Variants in ADGRL2 observed in about 807,000 individuals in gnomAD.
ADGRL2 encodes the protein adhesion G protein-coupled receptor L2, also known as calcium-independent alpha-latrotoxin receptor 2.
In ADGRL2, 44 loss-of-function variants were observed where a neutral mutation model predicts 157.4. The observed-to-expected ratio is 0.28, with a 90% CI of 0.22 to 0.36. The LOEUF is 0.36. ADGRL2 is among the 10% of genes least tolerant of loss of function. The pLI, the probability that ADGRL2 is intolerant of heterozygous loss-of-function variation, is 1.00. For synonymous variants in ADGRL2, 585 were observed against 624.7 expected, an observed-to-expected ratio of 0.94 and a Z score of 0.95; for missense variants, 1,510 against 1,768.9, an observed-to-expected ratio of 0.85 and a Z score of 2.63.
At chr1:81,769,365 G>A (rs186593748) in intron 2 of ADGRL2, among the ~76,000 whole-genome samples, 5 of 152,064 alleles carry the variant, frequency 3.3e-5, no homozygotes, top group East Asian at 3.9e-4. Context: ...CCTATTTGAC[G>A]TTGGTTTTTG....
rs540354225 is a variant in ADGRL2 at position 81,851,147 on chromosome 1, T to G, written c.73+14090T>G. On this transcript the variant is annotated intron_variant, in intron 2 of 23. Coordinates refer to ENST00000686636, the MANE Select transcript of ADGRL2 (RefSeq NM_001366006.2). The stretch of plus-strand genomic sequence containing the variant: ...CCTTAGGATTAACAGCTAAGTATAC[T>G]TTAAGCATATTTTAATAATTATAGC... 9.9e-5 allele frequency among the ~76,000 whole-genome samples: 15 copies of G among 152,070 alleles called. No individual in the cohort carries two copies. The East Asian group carries it at 2.9e-3, about 29-fold the overall frequency.
intron 3 of ADGRL2, among the ~76,000 whole-genome samples, chr1:81,650,568 C>T (rs61773240): frequency 7.1e-6 from 1 of 140,802 alleles, no homozygotes; most frequent in Admixed American, 7.2e-5. Flanking sequence ...GAGTGAGACT[C>T]CATCTCAAAA....
chr1:81,696,955 G>A (rs986823990), upstream of ADGRL2, among the ~76,000 whole-genome samples: 2 of 152,104 alleles, frequency 1.3e-5, no homozygotes, highest in African/African-American at 2.4e-5. Flanking sequence ...TCAGCATGGG[G>A]TCGCTAAGAA....
At chr1:81,907,531 G>A (rs559547087) in intron 3 of ADGRL2, among the ~76,000 whole-genome samples, 11 of 151,746 alleles carry the variant, frequency 7.2e-5, no homozygotes, top group African/African-American at 1.4e-4. Flanking sequence ...TTAAGGCTTC[G>A]AAAATTTGAA....
At chr1:81,983,438 T>C (rs1031212710) in intron 19 of ADGRL2, among the ~76,000 whole-genome samples, 6 of 151,972 alleles carry the variant, frequency 3.9e-5, no homozygotes, top group Non-Finnish European at 8.8e-5. Context: ...TAAATAAAGC[T>C]AAAAAGATGA....
intron 1 of ADGRL2, among the ~76,000 whole-genome samples, chr1:81,707,268 C>T (rs1163389955): frequency 2.6e-5 from 4 of 152,120 alleles, no homozygotes; most frequent in Admixed American, 2.0e-4. Flanking sequence ...AAATCACAAT[C>T]AGGCTCTTCC....
intron 3 of ADGRL2, among the ~76,000 whole-genome samples, chr1:81,586,533 T>C (rs1359225247): frequency 4.6e-5 from 7 of 152,128 alleles, no homozygotes; most frequent in Non-Finnish European, 1.0e-4. Flanking sequence ...TTTAATAATA[T>C]ACTGGGTTTG....
chr1:81,833,394 C>T (rs554632126), intron 1 of ADGRL2, among the ~76,000 whole-genome samples: 3 of 152,120 alleles, frequency 2.0e-5, no homozygotes, highest in Admixed American at 2.0e-4. Context: ...TGAGTAGAAA[C>T]CAAAAATAAA....
At chr1:81,436,306 A>G (rs898174472) in intron 1 of ADGRL2, among the ~76,000 whole-genome samples, 1 of 152,172 alleles carries the variant, frequency 6.6e-6, no homozygotes, top group Non-Finnish European at 1.5e-5. Flanking sequence ...AATTTGTTCT[A>G]GAGGGGACTT....
At chr1:81,721,967 C>T (rs1379267636) in intron 1 of ADGRL2, 2 of 599,036 alleles carry the variant, frequency 3.3e-6, no homozygotes, top group Non-Finnish European at 6.3e-6. Context: ...TTGAACCAGA[C>T]ACTGATGCCC....
chr1:81,369,711 A>G (rs2100976940), intron 1 of ADGRL2, among the ~76,000 whole-genome samples: 1 of 152,324 alleles, frequency 6.6e-6, no homozygotes, highest in East Asian at 1.9e-4. Flanking sequence ...CATGAAAAAA[A>G]AAATCCCTTT....
intron 2 of ADGRL2, among the ~76,000 whole-genome samples, chr1:81,522,495 A>C (rs1442682047): frequency 6.6e-6 from 1 of 152,186 alleles, no homozygotes; most frequent in African/African-American, 2.4e-5. Flanking sequence ...GTGCACATGC[A>C]CAGTTGGCTT....
intron 2 of ADGRL2, among the ~76,000 whole-genome samples, chr1:81,763,307 G>A (rs2085966789): frequency 6.6e-6 from 1 of 151,556 alleles, no homozygotes; most frequent in African/African-American, 2.4e-5. Context: ...ATCTTCAGCT[G>A]GGCATGGTAG....
intron 6 of ADGRL2, among the ~76,000 whole-genome samples, chr1:81,944,429 G>T (rs1354763268): frequency 6.6e-6 from 1 of 152,006 alleles, no homozygotes; most frequent in Non-Finnish European, 1.5e-5. Context: ...CTTTATGGAG[G>T]ATCATTACTT....
In ADGRL2 at chr1:81,375,854, AT is replaced by A. The variant is rs749370702; in HGVS notation, c.-301-69171del. ...TATGGTTCATCGCTTGGATTTAATG[AT>A]TTTTTTTTTTCAAAATGCTTCATTC... On this transcript the variant is annotated intron_variant, in intron 1 of 24. Transcript: ENST00000370721. Among the ~76,000 whole-genome samples, 568 of 148,976 alleles carry A rather than the reference AT, an allele frequency of 3.8e-3. 1 individual carries two copies. Among genetic ancestry groups the A allele is most frequent in the East Asian group, 0.02 (100 of 5,084 alleles).
At chr1:81,686,865 A>G (rs1335722559) in intron 3 of ADGRL2, among the ~76,000 whole-genome samples, 1 of 152,156 alleles carries the variant, frequency 6.6e-6, no homozygotes, top group East Asian at 1.9e-4. Context: ...AATAATTTTT[A>G]AATTTCCATC....
At chr1:81,443,872 A>C (rs1158222550) in intron 1 of ADGRL2, among the ~76,000 whole-genome samples, 1 of 152,252 alleles carries the variant, frequency 6.6e-6, no homozygotes, top group Non-Finnish European at 1.5e-5. Flanking sequence ...ATAAATAATG[A>C]ATATTTATAC....
intron 1 of ADGRL2, among the ~76,000 whole-genome samples, chr1:81,405,991 G>C (rs1286733168): frequency 6.6e-6 from 1 of 152,134 alleles, no homozygotes; most frequent in Non-Finnish European, 1.5e-5. Context: ...TCTATTAGTA[G>C]AAAGATTTCC....
chr1:81,796,878 C>A (rs1557658762), upstream of ADGRL2, among the ~76,000 whole-genome samples: 1 of 152,164 alleles, frequency 6.6e-6, no homozygotes, highest in East Asian at 1.9e-4. Flanking sequence ...GTTTGGCCTT[C>A]TTGGACAAAA....
Sources: gnomAD v4.1 joint callset for allele counts (sites outside exome capture counted in the v4.1 genomes callset) on GRCh38, gnomAD v4.1.1 for gene constraint, MANE v1.5 for transcripts, NCBI Gene and HGNC (gene_info 2026-07-23, HGNC 2026-07-21) for gene names.